Variants in GRID1 observed in about 807,000 individuals in gnomAD.
GRID1 encodes the protein glutamate receptor ionotropic, delta-1.
In GRID1, 28 loss-of-function variants were observed where a neutral mutation model predicts 98.0. The ratio of observed to expected loss-of-function variants is 0.29; its 90% confidence interval spans 0.21 to 0.39. The LOEUF (loss-of-function observed/expected upper bound fraction) is 0.39, where lower values mean the gene tolerates loss of function less well. GRID1 is among the 10% of genes least tolerant of loss of function. The pLI is 1.00. For missense variants in GRID1, 1,111 were observed against 1,340.5 expected (o/e 0.83, Z 2.67); for synonymous variants, 553 against 538.5 (o/e 1.03, Z -0.37).
chr10:85,698,595 T>A (rs1294276059), intron 12 of GRID1, among the ~76,000 whole-genome samples: 1 of 152,206 alleles, frequency 6.6e-6, no homozygotes, highest in Non-Finnish European at 1.5e-5. Flanking sequence ...GCTTCCAAGT[T>A]TTGAAAATTA....
At chr10:85,933,855 G>A (rs530418661) in intron 4 of GRID1, among the ~76,000 whole-genome samples, 2 of 152,292 alleles carry the variant, frequency 1.3e-5, no homozygotes, top group Admixed American at 6.5e-5. Context: ...CATGAGGGCT[G>A]GAGATTTATA....
At chr10:85,842,786 A>T (rs1433975859) in intron 8 of GRID1, among the ~76,000 whole-genome samples, 2 of 152,058 alleles carry the variant, frequency 1.3e-5, no homozygotes, top group African/African-American at 4.8e-5. Flanking sequence ...CCAGACTATA[A>T]TGATTTTACT....
At chr10:86,081,628 C>T (rs1369448213) in intron 4 of GRID1, among the ~76,000 whole-genome samples, 3 of 152,186 alleles carry the variant, frequency 2.0e-5, no homozygotes, top group Non-Finnish European at 4.4e-5. Flanking sequence ...AAATGTCCTT[C>T]AGTAAGTGAA....
intron 3 of GRID1, among the ~76,000 whole-genome samples, chr10:86,186,791 T>G: frequency 6.6e-6 from 1 of 152,224 alleles, no homozygotes. Context: ...ATCACTTCCT[T>G]GGGTGACAAC....
In GRID1 at chr10:85,933,960, G is replaced by A. The variant is rs1315188419; in HGVS notation, c.727-17721C>T. On this transcript the variant is annotated intron_variant, in intron 4 of 15. Transcript: ENST00000327946. ...AATGATTTAAAAATGTACAGAACAG[G>A]AGATCTGAGCTCCTTCAACATAAAT... 2.0e-5 allele frequency among the ~76,000 whole-genome samples: 3 copies of A among 152,172 alleles called. No individual in the cohort carries two copies. The South Asian group carries it at 6.2e-4, about 32-fold the overall frequency.
intron 4 of GRID1, among the ~76,000 whole-genome samples, chr10:85,917,414 A>G (rs1481246176): frequency 6.6e-6 from 1 of 152,192 alleles, no homozygotes; most frequent in African/African-American, 2.4e-5. Context: ...TACCCTCTAA[A>G]TGTTGTTTGA....
In GRID1 at chr10:86,206,576, T is replaced by C; in HGVS notation, c.308A>G (p.Gln103Arg). 6.2e-7 allele frequency: 1 copy of C among 1,614,188 alleles called. No individual in the cohort carries two copies. Among genetic ancestry groups the C allele is most frequent in the African/African-American group, 1.3e-5 (1 of 75,058 alleles). Residue 103 changes from glutamine (Q) to arginine (R), a missense_variant, in exon 3 of 16, where the codon CAG becomes CGG. Transcript: ENST00000327946. This position sits in a 1 kb window ranked among gnomAD's most constrained non-coding sequence, Gnocchi z 4.1. ...STGCASANALQSLTDAMHIPH... is the reference protein window; with the variant it reads ...STGCASANALRSLTDAMHIPH... ...GATGTGCATGGCATCCGTGAGGGAC[T>C]GCAGGGCATTGGCAGATGCACAGCC... is the stretch of plus-strand genomic sequence containing the variant.
chr10:85,745,440 G>A (rs1841986488), intron 8 of GRID1, among the ~76,000 whole-genome samples: 1 of 118,422 alleles, frequency 8.4e-6, no homozygotes, highest in African/African-American at 3.3e-5. Flanking sequence ...GATGAAATTG[G>A]AAACCATCAT....
At chr10:85,765,844 A>T (rs1842192499) in intron 8 of GRID1, among the ~76,000 whole-genome samples, 1 of 152,214 alleles carries the variant, frequency 6.6e-6, no homozygotes, top group Non-Finnish European at 1.5e-5. Flanking sequence ...TCTTGTATCT[A>T]CTGCTGTAGG....
Position 85,901,241 on chromosome 10 carries a change from T to TTATTTATTTATG in GRID1, c.780+14944_780+14945insCATAAATAAATA, listed in dbSNP as rs1157606619. On this transcript the variant is annotated intron_variant, in intron 5 of 15. Transcript: ENST00000327946. Reference sequence around the variant, plus strand: ...ATTTTATTTTATTTTATTTATTTATTTATTTATTTATTTATTTATTTTGAG... The same window carrying TTATTTATTTATG: ...ATTTTATTTTATTTTATTTATTTATTTATTTATTTATGTATTTATTTATTTATTTATTTTGAG... Among the ~76,000 whole-genome samples, 1,284 of 150,900 alleles carry TTATTTATTTATG rather than the reference T, an allele frequency of 8.5e-3. 10 individuals are homozygous for TTATTTATTTATG. The highest frequency in any genetic ancestry group is 0.03 in the African/African-American group (1,225 of 41,076).
At chr10:86,121,086 A>T (rs1321566000) in intron 4 of GRID1, among the ~76,000 whole-genome samples, 2 of 152,140 alleles carry the variant, frequency 1.3e-5, no homozygotes, top group Non-Finnish European at 2.9e-5. Flanking sequence ...ATGAAGTAAG[A>T]GCAACCACAA....
intron 2 of GRID1, among the ~76,000 whole-genome samples, chr10:86,348,754 T>G (rs907414454): frequency 6.6e-6 from 1 of 152,150 alleles, no homozygotes. Context: ...ATCCAGGAGC[T>G]CCCGGAAGCA....
At chr10:85,678,169 T>C (rs7097151) in intron 12 of GRID1, among the ~76,000 whole-genome samples, 40,521 of 151,928 alleles carry the variant, frequency 0.27, 5,573 homozygotes, top group Middle Eastern at 0.37. Flanking sequence ...AGCATTTCAA[T>C]TGAGGCCTCA....
intron 2 of GRID1, among the ~76,000 whole-genome samples, chr10:86,347,913 C>T (rs1465738842): frequency 6.6e-6 from 1 of 152,198 alleles, no homozygotes; most frequent in South Asian, 2.1e-4. Context: ...AACTTCCCCA[C>T]AGGCCATGAG....
chr10:86,199,367 G>A (rs1589407747), intron 3 of GRID1, among the ~76,000 whole-genome samples: 2 of 152,212 alleles, frequency 1.3e-5, no homozygotes, highest in East Asian at 3.9e-4. Flanking sequence ...TGCTGAAGAT[G>A]GACCTTTAGG....
chr10:85,837,031 C>G (rs756137859), intron 8 of GRID1, among the ~76,000 whole-genome samples: 1 of 152,188 alleles, frequency 6.6e-6, no homozygotes, highest in African/African-American at 2.4e-5. Context: ...TGTGTCTGCA[C>G]AGGTGGGTTT....
intron 15 of GRID1, among the ~76,000 whole-genome samples, chr10:85,612,084 T>G (rs1842738225): frequency 1.3e-5 from 2 of 152,170 alleles, no homozygotes; most frequent in Admixed American, 6.5e-5. Context: ...GCAGTGTCCT[T>G]CCAGGGAAGA....
Position 85,869,195 on chromosome 10 carries a change from A to G in GRID1, c.781-15T>C, listed in dbSNP as rs1366890904. On this transcript the variant is annotated splice_polypyrimidine_tract_variant and intron_variant, in intron 5 of 15. Transcript: ENST00000327946. ...TCACTGATTTCCTAGAAAAATAACCAGGCCCATGCTTACCATCCACTCATG... is the reference window on the plus strand; with the variant it reads ...TCACTGATTTCCTAGAAAAATAACCGGGCCCATGCTTACCATCCACTCATG... The G allele has an allele frequency of 1.2e-6, 2 of 1,609,232 alleles. No homozygotes were observed. The highest frequency in any genetic ancestry group is 1.7e-6 in the Non-Finnish European group (2 of 1,175,648).
chr10:86,081,095 G>A (rs1843971960), intron 4 of GRID1, among the ~76,000 whole-genome samples: 1 of 152,170 alleles, frequency 6.6e-6, no homozygotes, highest in African/African-American at 2.4e-5. Context: ...AATGGGAAGA[G>A]CTGCAGTGGA....
Sources: gnomAD v4.1 joint callset for allele counts (sites outside exome capture counted in the v4.1 genomes callset) on GRCh38, gnomAD v4.1.1 for gene constraint, Gnocchi (gnomAD v3.1) non-coding constraint, MANE v1.5 for transcripts, NCBI Gene and HGNC (gene_info 2026-07-23, HGNC 2026-07-21) for gene names.